The following TMTC2 variants were observed in gnomAD, a reference collection of about 807,000 sequenced individuals.
TMTC2 encodes the protein transmembrane O-mannosyltransferase targeting cadherins 2, also known as protein O-mannosyl-transferase TMTC2.
TMTC2 carries 43 observed loss-of-function variants against 82.4 expected under a neutral mutation model. The observed-to-expected ratio is 0.52, with a 90% CI of 0.41 to 0.67. The LOEUF is 0.67. Ranked by LOEUF, TMTC2 falls within the 30% of genes least tolerant of loss-of-function variation. The probability of loss-of-function intolerance (pLI) is 0.00; values close to 1 mark genes in which losing one functional copy is unlikely to be tolerated. For synonymous variants in TMTC2, 408 were observed against 381.9 expected (o/e 1.07, Z -0.80); for missense variants, 919 against 1,012.4 (o/e 0.91, Z 1.25).
At chr12:83,001,452 A>T (rs1376639125) in intron 8 of TMTC2, among the ~76,000 whole-genome samples, 1 of 139,752 alleles carries the variant, frequency 7.2e-6, no homozygotes, top group African/African-American at 2.6e-5. Context: ...AACCTGACCG[A>T]CATGGAGTAA....
intron 1 of TMTC2, among the ~76,000 whole-genome samples, chr12:82,796,919 G>T (rs1878746767): frequency 6.6e-6 from 1 of 152,092 alleles, no homozygotes; most frequent in South Asian, 2.1e-4. Context: ...TTTTTGTGAA[G>T]TTTTATTGAC....
intron 4 of TMTC2, among the ~76,000 whole-genome samples, chr12:82,956,721 T>TTAG (rs1877635299): frequency 6.6e-6 from 1 of 152,062 alleles, no homozygotes; most frequent in Non-Finnish European, 1.5e-5. Flanking sequence ...CCCAAAATAC[T>TTAG]AGGATTACAG....
chr12:83,075,127 CCT>C (rs750033199), intron 11 of TMTC2, among the ~76,000 whole-genome samples: 1 of 152,138 alleles, frequency 6.6e-6, no homozygotes, highest in Non-Finnish European at 1.5e-5. Flanking sequence ...GAAATTCCTC[CCT>C]CAAACAGACT....
chr12:82,779,957 A>G (rs1245169392), intron 1 of TMTC2, among the ~76,000 whole-genome samples: 1 of 151,938 alleles, frequency 6.6e-6, no homozygotes, highest in African/African-American at 2.4e-5. Context: ...GCATTAAGTG[A>G]GACTCATCCA....
Position 82,778,774 on chromosome 12 carries a change from G to A in TMTC2, c.84-78236G>A, listed in dbSNP as rs371829029. ...TGAGGCAGGAGAATGGCGTGAACCC[G>A]GGAGGCGGAGCTTGCAGTGAGCCGA... On this transcript the variant is annotated intron_variant, in intron 1 of 11. Coordinates refer to ENST00000321196, the MANE Select transcript of TMTC2 (RefSeq NM_152588.3). 1.3e-4 allele frequency among the ~76,000 whole-genome samples: 19 copies of A among 141,920 alleles called. No homozygotes were observed. In the East Asian group the frequency reaches 1.8e-3, roughly 14 times the overall value. The allele number at this position is 141,920 out of a possible 152,430, so 93.1% of individuals were successfully genotyped here.
At chr12:82,808,972 A>G (rs1592539069) in intron 1 of TMTC2, among the ~76,000 whole-genome samples, 1 of 150,558 alleles carries the variant, frequency 6.6e-6, no homozygotes, top group African/African-American at 2.4e-5. Flanking sequence ...CTCTTTCAAG[A>G]TTTCTTAGGC....
chr12:82,793,602 A>G (rs566637276), intron 1 of TMTC2, among the ~76,000 whole-genome samples: 1 of 152,250 alleles, frequency 6.6e-6, no homozygotes, highest in South Asian at 2.1e-4. Context: ...TTTTAAAAGT[A>G]TTAGCTGTAA....
chr12:82,851,498 C>T (rs533325776), intron 1 of TMTC2, among the ~76,000 whole-genome samples: 42 of 152,316 alleles, frequency 2.8e-4, no homozygotes, highest in African/African-American at 8.9e-4. Flanking sequence ...TTACTCTTCA[C>T]AATGATCCTA....
intron 11 of TMTC2, among the ~76,000 whole-genome samples, chr12:83,099,363 A>G (rs1179279361): frequency 6.6e-6 from 1 of 152,220 alleles, no homozygotes; most frequent in Non-Finnish European, 1.5e-5. Flanking sequence ...ATTTTTTTGT[A>G]TAATAAAATT....
intron 1 of TMTC2, among the ~76,000 whole-genome samples, chr12:82,742,793 G>C (rs1875487833): frequency 6.6e-6 from 1 of 152,088 alleles, no homozygotes; most frequent in East Asian, 1.9e-4. Context: ...CGAAGTGCTG[G>C]GATTACAGGC....
intron 1 of TMTC2, among the ~76,000 whole-genome samples, chr12:82,711,656 GAAAA>G (rs1018651582): frequency 6.6e-6 from 1 of 151,906 alleles, no homozygotes; most frequent in Non-Finnish European, 1.5e-5. Flanking sequence ...TGAAAGAAAA[GAAAA>G]AAAATGAAAA....
At chr12:83,041,843 T>C (rs1439115981) in intron 9 of TMTC2, among the ~76,000 whole-genome samples, 1 of 152,230 alleles carries the variant, frequency 6.6e-6, no homozygotes, top group Non-Finnish European at 1.5e-5. Context: ...GGCTTTTCTC[T>C]GTAGCTACAA....
chr12:83,024,598 G>T (rs1024015803), intron 8 of TMTC2, among the ~76,000 whole-genome samples: 3 of 152,128 alleles, frequency 2.0e-5, no homozygotes, highest in Admixed American at 6.6e-5. Context: ...CAGACTTGAA[G>T]CAGCCTCTAA....
intron 4 of TMTC2, among the ~76,000 whole-genome samples, chr12:82,963,811 A>G (rs1312334698): frequency 5.4e-5 from 4 of 74,400 alleles, no homozygotes; most frequent in Non-Finnish European, 1.0e-4. Context: ...ATATATATAT[A>G]TATATATATA....
chr12:82,727,231 T>G (rs1218603874), intron 1 of TMTC2, among the ~76,000 whole-genome samples: 1 of 152,196 alleles, frequency 6.6e-6, no homozygotes, highest in Non-Finnish European at 1.5e-5. Context: ...TAACCTTTCT[T>G]CTAGTCTTTT....
intron 1 of TMTC2, among the ~76,000 whole-genome samples, chr12:82,822,332 T>A (rs921123250): frequency 6.6e-6 from 1 of 152,168 alleles, no homozygotes; most frequent in Non-Finnish European, 1.5e-5. Context: ...TTCAGGTTCA[T>A]CAGTTTTAAC....
At chr12:82,967,040 C>T (rs745877681) in intron 7 of TMTC2, 43 bp downstream of exon 7, 6 of 1,476,484 alleles carry the variant, frequency 4.1e-6, no homozygotes, top group Middle Eastern at 1.7e-4. Context: ...TTTCAGGGAC[C>T]TGTGGAGAAA....
chr12:82,965,855 T>A, intron 6 of TMTC2, 111 bp downstream of exon 6: 1 of 1,107,710 alleles, frequency 9.0e-7, no homozygotes, highest in Non-Finnish European at 1.3e-6. Flanking sequence ...AACTAATATG[T>A]ATACACGTTA....
chr12:83,018,073 A>T (rs1379359644), intron 8 of TMTC2, among the ~76,000 whole-genome samples: 1 of 150,478 alleles, frequency 6.6e-6, no homozygotes, highest in Non-Finnish European at 1.5e-5. Context: ...ATAAAATTAG[A>T]GAATTATTTA....
Sources: gnomAD v4.1 joint callset for allele counts (sites outside exome capture counted in the v4.1 genomes callset) on GRCh38, gnomAD v4.1.1 for gene constraint, MANE v1.5 for transcripts, NCBI Gene and HGNC (gene_info 2026-07-23, HGNC 2026-07-21) for gene names.